RBMS3: variants seen among roughly 807,000 people sequenced by gnomAD.
RBMS3 encodes the protein RNA-binding motif, single-stranded-interacting protein 3.
RBMS3 carries 27 observed loss-of-function variants against 66.8 expected under a neutral mutation model. The ratio of observed to expected loss-of-function variants is 0.40; its 90% CI spans 0.30 to 0.56. The LOEUF is 0.56. Ranked by LOEUF, RBMS3 falls within the 20% of genes least tolerant of loss-of-function variation. The pLI is 0.40. For missense variants in RBMS3, 513 were observed against 549.5 expected, an observed-to-expected ratio of 0.93 and a Z score of 0.66; for synonymous variants, 188 against 183.0, an observed-to-expected ratio of 1.03 and a Z score of -0.22.
At chr3:29,380,725 A>G (rs943763246) in intron 1 of RBMS3, among the ~76,000 whole-genome samples, 2 of 152,242 alleles carry the variant, frequency 1.3e-5, no homozygotes, top group African/African-American at 4.8e-5. Context: ...TGTAGTCCAC[A>G]GATTGATGCC....
intron 1 of RBMS3, among the ~76,000 whole-genome samples, chr3:29,389,348 A>T (rs114129866): frequency 0.032 from 4,935 of 152,260 alleles, 124 homozygotes; most frequent in Non-Finnish European, 0.048. Flanking sequence ...ATGGGGAAAA[A>T]GGTCACTCTT....
chr3:29,436,003 C>T (rs2041390428), intron 2 of RBMS3, among the ~76,000 whole-genome samples: 1 of 150,914 alleles, frequency 6.6e-6, no homozygotes, highest in African/African-American at 2.4e-5. Context: ...AATCGTAGAC[C>T]TGTATTTTTT....
chr3:29,669,798 G>A (rs1011894143), intron 4 of RBMS3, among the ~76,000 whole-genome samples: 1 of 152,008 alleles, frequency 6.6e-6, no homozygotes, highest in African/African-American at 2.4e-5. Context: ...TAAACCACCT[G>A]TGCTGAAGGA....
rs550404989 is a variant in RBMS3, at chr3:30,004,208, CTT to C, written c.*360_*361del. On this transcript the variant is annotated 3_prime_UTR_variant, in exon 15 of 15. Transcript: ENST00000383767. ...CAGAATTTTTCTGAAGGTGTAGATA[CTT>C]TTTTTTTTTTTTTAACAGAAAACCT... 2,645 of 147,010 alleles carry C rather than the reference CTT, an allele frequency of 0.018. 55 individuals carry two copies. The highest frequency in any genetic ancestry group is 0.059 in the African/African-American group (2,206 of 37,682). The allele number at this position is 147,010 out of a possible 1,614,324, so 9.1% of individuals were successfully genotyped here. A position where few individuals can be genotyped will look rare whatever the true frequency, so the allele number is the denominator to read the frequency against.
intron 6 of RBMS3, among the ~76,000 whole-genome samples, chr3:29,784,326 A>C (rs1176065441): frequency 1.3e-5 from 2 of 152,152 alleles, no homozygotes; most frequent in Non-Finnish European, 2.9e-5. Flanking sequence ...TTGAAATTAT[A>C]TCAAGTATTC....
intron 2 of RBMS3, among the ~76,000 whole-genome samples, chr3:29,471,879 T>C (rs921878063): frequency 2.0e-5 from 3 of 152,084 alleles, no homozygotes; most frequent in African/African-American, 7.2e-5. Context: ...TTGTGTCAGA[T>C]GGTTCTAAAT....
At chr3:29,472,939 G>A (rs189582242) in intron 2 of RBMS3, among the ~76,000 whole-genome samples, 1 of 151,150 alleles carries the variant, frequency 6.6e-6, no homozygotes, top group Non-Finnish European at 1.5e-5. Context: ...TGGTAGAGCC[G>A]AGTGGTCTGT....
At chr3:29,959,115 T>C (rs1288911684) in intron 12 of RBMS3, among the ~76,000 whole-genome samples, 1 of 152,188 alleles carries the variant, frequency 6.6e-6, no homozygotes, top group Non-Finnish European at 1.5e-5. Flanking sequence ...AAGATGAGCA[T>C]TTAAATCCCA....
chr3:29,748,274 A>G (rs2055015767), intron 5 of RBMS3, among the ~76,000 whole-genome samples: 1 of 152,212 alleles, frequency 6.6e-6, no homozygotes, highest in African/African-American at 2.4e-5. Flanking sequence ...AAAGGAAACA[A>G]AATTGTGAAA....
Position 30,005,191 on chromosome 3 carries a change from T to TA in RBMS3, c.*1330dup, listed in dbSNP as rs1489959157. ...AACTACCTTCCACTGGTGTTTTACATAGTGCAAAAAAAAAAAGAGGGTGGG... is the reference window on the plus strand; with the variant it reads ...AACTACCTTCCACTGGTGTTTTACATAAGTGCAAAAAAAAAAAGAGGGTGGG... On this transcript the variant is annotated 3_prime_UTR_variant, in exon 15 of 15. Transcript: ENST00000383767. 1 of 88,110 alleles carries TA rather than the reference T, an allele frequency of 1.1e-5. No homozygotes were observed. Among genetic ancestry groups the TA allele is most frequent in the African/African-American group, 6.6e-5 (1 of 15,240 alleles). 5.5% of individuals were successfully genotyped at this position (88,110 alleles called of 1,614,324 possible).
chr3:29,999,154 A>C (rs1343812026), intron 14 of RBMS3, among the ~76,000 whole-genome samples: 1 of 152,268 alleles, frequency 6.6e-6, no homozygotes, highest in Admixed American at 6.5e-5. Flanking sequence ...CACAAGACAC[A>C]TGAAAAAATG....
chr3:29,336,354 G>A (rs368171929), intron 1 of RBMS3, among the ~76,000 whole-genome samples: 5 of 152,044 alleles, frequency 3.3e-5, no homozygotes, highest in East Asian at 3.9e-4. Context: ...TTCTTAACAT[G>A]AGTCAGCTTT....
At chr3:29,337,550 G>A (rs2036025283) in intron 1 of RBMS3, among the ~76,000 whole-genome samples, 1 of 152,084 alleles carries the variant, frequency 6.6e-6, no homozygotes, top group Admixed American at 6.6e-5. Flanking sequence ...TGAGGCTGAG[G>A]CAAGAGGATT....
intron 1 of RBMS3, among the ~76,000 whole-genome samples, chr3:29,292,874 G>C (rs2032935396): frequency 3.3e-5 from 5 of 151,758 alleles, no homozygotes; most frequent in Admixed American, 6.6e-5. Flanking sequence ...TGTTTAGCAA[G>C]GAAAAGGTCA....
At chr3:29,323,459 G>A (rs2035126400) in intron 1 of RBMS3, among the ~76,000 whole-genome samples, 1 of 151,934 alleles carries the variant, frequency 6.6e-6, no homozygotes, top group African/African-American at 2.4e-5. Context: ...CTTGTAACTA[G>A]GGTAACTAGA....
At position 29,419,550 on chromosome 3, in the gene RBMS3, T is replaced by C. The variant is rs564111490; in HGVS notation, c.76-15193T>C. On this transcript the variant is annotated intron_variant, in intron 1 of 14. Transcript: ENST00000383767. ...CGAAATTCTGGATGGAAATTCTTAA[T>C]ACCAGTAGTGTTAGGAAGTTGACCT... Among the ~76,000 whole-genome samples, 16 of 152,316 alleles carry C rather than the reference T, an allele frequency of 1.1e-4. No homozygotes were observed. The South Asian group carries it at 2.3e-3, about 22-fold the overall frequency.
chr3:29,817,667 T>A (rs2057950907), intron 6 of RBMS3, among the ~76,000 whole-genome samples: 1 of 152,162 alleles, frequency 6.6e-6, no homozygotes, highest in Admixed American at 6.6e-5. Flanking sequence ...TTGCTCAGCA[T>A]GCTTAATATA....
At chr3:29,847,121 T>C (rs150546300) in intron 6 of RBMS3, among the ~76,000 whole-genome samples, 11 of 152,306 alleles carry the variant, frequency 7.2e-5, no homozygotes, top group African/African-American at 2.6e-4. Context: ...GAAAGCCTGC[T>C]TGGGAGACAT....
At chr3:29,899,556 A>T in intron 9 of RBMS3, 149 bp from the exon 10 acceptor site, 1 of 584,004 alleles carries the variant, frequency 1.7e-6, no homozygotes, top group Non-Finnish European at 2.9e-6. Flanking sequence ...AAGTCCAAGA[A>T]TTCCCTTTTT....
Sources: allele counts gnomAD v4.1 joint callset (sites outside exome capture counted in the v4.1 genomes callset), GRCh38; gene constraint gnomAD v4.1.1; transcripts MANE v1.5; gene names NCBI Gene and HGNC (gene_info 2026-07-23, HGNC 2026-07-21).